MIB1: variants seen among roughly 807,000 people sequenced by gnomAD.
MIB1 encodes E3 ubiquitin-protein ligase MIB1.
In MIB1, 278 loss-of-function variants were observed where a neutral mutation model predicts 124.5. That is an observed-to-expected ratio of 2.23 (90% confidence interval 2.02 to 2.47). MIB1 has a LOEUF of 2.47. Among genes scored for constraint, MIB1 ranks in the 30% most tolerant of loss-of-function variants. The pLI, the probability that MIB1 is intolerant of heterozygous loss-of-function variation, is 0.00. For missense variants in MIB1, 957 were observed against 1,254.4 expected, an observed-to-expected ratio of 0.76 and a Z score of 3.58; for synonymous variants, 446 against 429.4, an observed-to-expected ratio of 1.04 and a Z score of -0.48.
At chr18:21,745,965 C>T (rs2040908497) in intron 1 of MIB1, among the ~76,000 whole-genome samples, 1 of 152,090 alleles carries the variant, frequency 6.6e-6, no homozygotes, top group Admixed American at 6.6e-5. Context: ...CTCAGCCTCC[C>T]AAAGTGCTGG....
rs2041606280 is a variant in MIB1 at position 21,798,114 on chromosome 18, AT to A, written c.1126del (p.Tyr376IlefsTer6). ...AGGTAAAGTTGGCCGAGTACAACAG[AT>A]TTATTCAGACAGTGATTTAAAGGTG... The part of the protein sequence containing the change: ...TLGKVGRVQQ[I>X]YSDSDLKVEV... On this transcript the variant is annotated frameshift_variant, in exon 8 of 21. Coordinates refer to ENST00000261537, the MANE Select transcript of MIB1 (RefSeq NM_020774.4). LOFTEE classifies it high-confidence loss of function. 1 of 1,613,196 alleles carries A rather than the reference AT, an allele frequency of 6.2e-7. No individual in the cohort carries two copies. Among genetic ancestry groups the A allele is most frequent in the East Asian group, 2.2e-5 (1 of 44,852 alleles).
rs1217916855 is a variant in MIB1 at position 21,867,849 on chromosome 18, AAGAATT to A, written c.*3186_*3191del. 4 of 152,504 alleles carry A rather than the reference AAGAATT, an allele frequency of 2.6e-5. No homozygotes were observed. The highest frequency in any genetic ancestry group is 5.9e-5 in the Non-Finnish European group (4 of 67,958). 9.4% of individuals were successfully genotyped at this position (152,504 alleles called of 1,614,324 possible). On this transcript the variant is annotated 3_prime_UTR_variant, in exon 21 of 21. Coordinates refer to ENST00000261537, the MANE Select transcript of MIB1 (RefSeq NM_020774.4). ...CTGAATTCTGGACCCTTTTTGGACT[AAGAATT>A]AGTTAAATTCATGAACTAAGAGAAT...
chr18:21,787,362 T>C (rs2041447910), intron 6 of MIB1, among the ~76,000 whole-genome samples: 1 of 152,208 alleles, frequency 6.6e-6, no homozygotes, highest in Admixed American at 6.5e-5. Context: ...ATTTGATGTC[T>C]CTCTTGGCTA....
upstream of MIB1, among the ~76,000 whole-genome samples, chr18:21,737,030 C>G (rs914350029): frequency 6.6e-6 from 1 of 152,186 alleles, no homozygotes; most frequent in Admixed American, 6.5e-5. Flanking sequence ...CACAAAGATA[C>G]TCCTCGAGAA....
At chr18:21,810,751 C>A (rs545247797) in intron 10 of MIB1, among the ~76,000 whole-genome samples, 1 of 151,696 alleles carries the variant, frequency 6.6e-6, no homozygotes, top group South Asian at 2.1e-4. Context: ...CCTGAAAGAT[C>A]TAAAAGTGCG....
Position 21,791,443 on chromosome 18 carries a change from AG to A in MIB1, c.979del (p.Glu327LysfsTer40). The A allele has an allele frequency of 1.9e-6, 3 of 1,614,110 alleles. No individual in the cohort carries two copies. Among genetic ancestry groups the A allele is most frequent in the Non-Finnish European group, 2.5e-6 (3 of 1,179,972 alleles). ...GAAGTGGAGATGCTGCTCAGGGTGC[AG>A]AAGGAGGCACCTCGCAGTTTCAAGT... The part of the protein sequence containing the change: ...VRSGDAAQGA[E>X]GGTSQFQVGD... On this transcript the variant is annotated frameshift_variant, in exon 7 of 21. Coordinates refer to ENST00000261537, the MANE Select transcript of MIB1 (RefSeq NM_020774.4). LOFTEE classifies it high-confidence loss of function.
At chr18:21,760,229 A>C (rs915311725) in intron 1 of MIB1, among the ~76,000 whole-genome samples, 66 of 152,222 alleles carry the variant, frequency 4.3e-4, no homozygotes, top group African/African-American at 1.5e-3. Context: ...GCCAGGGCTA[A>C]TGGTTTTAGA....
chr18:21,793,125 A>G (rs138067228), intron 7 of MIB1, among the ~76,000 whole-genome samples: 179 of 152,372 alleles, frequency 1.2e-3, no homozygotes, highest in African/African-American at 4.3e-3. Flanking sequence ...GAAAGCTCCA[A>G]AACAGCTAGC....
chr18:21,710,220 G>A (rs946795695), intron 1 of MIB1, among the ~76,000 whole-genome samples: 9 of 151,396 alleles, frequency 5.9e-5, no homozygotes, highest in African/African-American at 1.5e-4. Flanking sequence ...TTAGCCTCCC[G>A]AGTTAACTGG....
rs542977727 is a variant in MIB1 at position 21,789,572 on chromosome 18, T to C, written c.909-1802T>C. 4.6e-5 allele frequency among the ~76,000 whole-genome samples: 7 copies of C among 152,100 alleles called. No homozygotes were observed. In the South Asian group the frequency reaches 1.5e-3, roughly 32 times the overall value. On this transcript the variant is annotated intron_variant, in intron 6 of 20. Coordinates refer to ENST00000261537, the MANE Select transcript of MIB1 (RefSeq NM_020774.4). Reference sequence around the variant, plus strand: ...TCCTGGTACTTTTTTTTGCAGAAATTGACACACTGATATTAAAATTCCTGA... The same window carrying C: ...TCCTGGTACTTTTTTTTGCAGAAATCGACACACTGATATTAAAATTCCTGA...
chr18:21,853,015 T>G (rs2042194696), intron 17 of MIB1, 125 bp from the exon 18 acceptor site: 2 of 642,452 alleles, frequency 3.1e-6, no homozygotes, highest in Non-Finnish European at 5.5e-6. Flanking sequence ...GGAAAGTGTG[T>G]GTTAAATTTC....
At chr18:21,812,312 C>T (rs192274600) in intron 10 of MIB1, 2 of 152,230 alleles carry the variant, frequency 1.3e-5, no homozygotes, top group Admixed American at 6.5e-5. Flanking sequence ...GGTTCACAGA[C>T]GTAGGTCTCT....
intron 6 of MIB1, among the ~76,000 whole-genome samples, chr18:21,788,689 C>T (rs2041466444): frequency 6.6e-6 from 1 of 152,178 alleles, no homozygotes; most frequent in Non-Finnish European, 1.5e-5. Flanking sequence ...ACTTTGCTTA[C>T]AGATGACCTG....
intron 2 of MIB1, among the ~76,000 whole-genome samples, chr18:21,767,368 G>A (rs1409817410): frequency 1.3e-5 from 2 of 152,028 alleles, no homozygotes; most frequent in Non-Finnish European, 2.9e-5. Context: ...ATCAGGTCTC[G>A]TGAGAACTCA....
intron 5 of MIB1, among the ~76,000 whole-genome samples, chr18:21,778,924 A>G (rs2041325519): frequency 6.6e-6 from 1 of 152,158 alleles, no homozygotes. Context: ...ATCAACATGC[A>G]TATTTTGGAT....
At position 21,866,429 on chromosome 18, in the gene MIB1, AT is replaced by A. The variant is rs1400115383; in HGVS notation, c.*1764del. The A allele has an allele frequency of 1.3e-5, 2 of 152,380 alleles. No individual in the cohort carries two copies. Among genetic ancestry groups the A allele is most frequent in the Admixed American group, 1.3e-4 (2 of 15,310 alleles). 9.4% of individuals were successfully genotyped at this position (152,380 alleles called of 1,614,324 possible). On this transcript the variant is annotated 3_prime_UTR_variant, in exon 21 of 21. Transcript: ENST00000261537. Reference sequence around the variant, plus strand: ...CTGTTTTTAAAACTATTTTGAAGTTATAAAAAGGTAGAACATCTGACTGATG... The same window carrying A: ...CTGTTTTTAAAACTATTTTGAAGTTAAAAAAGGTAGAACATCTGACTGATG...
At chr18:21,814,142 A>G (rs1380274886) in intron 10 of MIB1, among the ~76,000 whole-genome samples, 1 of 152,172 alleles carries the variant, frequency 6.6e-6, no homozygotes. Flanking sequence ...TTCTTCAGAA[A>G]TATGCCTGTT....
At chr18:21,821,287 C>G (rs907635856) in intron 12 of MIB1, among the ~76,000 whole-genome samples, 2 of 152,008 alleles carry the variant, frequency 1.3e-5, no homozygotes, top group Non-Finnish European at 2.9e-5. Context: ...CAGTTTTTGT[C>G]TGTTAACATA....
chr18:21,803,872 A>C, intron 9 of MIB1, 35 bp from the exon 10 acceptor site: 543 of 1,145,874 alleles, frequency 4.7e-4, no homozygotes, highest in Non-Finnish European at 6.3e-4. Flanking sequence ...CTGATTATTC[A>C]TTCATTCTTT....
Sources: gnomAD v4.1 joint callset for allele counts (sites outside exome capture counted in the v4.1 genomes callset) on GRCh38, gnomAD v4.1.1 for gene constraint, MANE v1.5 for transcripts, NCBI Gene and HGNC (gene_info 2026-07-23, HGNC 2026-07-21) for gene names.